KCNQ1: variants seen among roughly 807,000 people sequenced by gnomAD.
KCNQ1 encodes the protein potassium voltage-gated channel subfamily KQT member 1.
A neutral mutation model predicts 72.4 loss-of-function variants in KCNQ1; 49 were observed. The ratio of observed to expected loss-of-function variants is 0.68; its 90% CI spans 0.54 to 0.86. The LOEUF is 0.86. Among genes scored for constraint, KCNQ1 ranks in the 40% least tolerant of loss-of-function variants. The pLI is 0.00. For missense variants in KCNQ1, 790 were observed against 945.1 expected, an observed-to-expected ratio of 0.84 and a Z score of 2.15; for synonymous variants, 450 against 412.6, an observed-to-expected ratio of 1.09 and a Z score of -1.10.
At chr11:2,570,913 C>T (rs1848324230) in intron 3 of KCNQ1, among the ~76,000 whole-genome samples, 159 bp downstream of exon 3, 1 of 152,184 alleles carries the variant, frequency 6.6e-6, no homozygotes, top group South Asian at 2.1e-4. Context: ...CATTGGCAGC[C>T]CTCAGCAGCC....
Position 2,817,118 on chromosome 11 carries a change from G to A in KCNQ1, c.1795-30649G>A, listed in dbSNP as rs988739140. The stretch of plus-strand genomic sequence containing the variant: ...CCGACCCATGACCCAGGCCTGTGGC[G>A]CCAGCCTGCACCCGGCTCTGCTCCA... On this transcript the variant is annotated intron_variant, in intron 15 of 15. Coordinates refer to ENST00000155840, the MANE Select transcript of KCNQ1 (RefSeq NM_000218.3). The surrounding 1 kb of genome is among the most constrained non-coding windows in gnomAD (Gnocchi z 6.1). Among the ~76,000 whole-genome samples the A allele has an allele frequency of 6.6e-5, 10 of 152,098 alleles. No homozygotes were observed. Among genetic ancestry groups the A allele is most frequent in the Admixed American group, 1.3e-4 (2 of 15,280 alleles).
intron 1 of KCNQ1, among the ~76,000 whole-genome samples, chr11:2,472,348 T>G (rs889982645): frequency 6.1e-5 from 9 of 148,092 alleles, no homozygotes; most frequent in Non-Finnish European, 9.0e-5. Context: ...CTGTGTGTGT[T>G]TGTGGGTGTG....
chr11:2,461,762 G>T (rs781721731), intron 1 of KCNQ1: 1 of 1,348,542 alleles, frequency 7.4e-7, no homozygotes, highest in Non-Finnish European at 9.9e-7. Context: ...GGATGGGCAG[G>T]TGGATGGGGG....
At chr11:2,707,828 C>T (rs116839461) in intron 11 of KCNQ1, among the ~76,000 whole-genome samples, 2,152 of 152,354 alleles carry the variant, frequency 0.014, 49 homozygotes, top group African/African-American at 0.049. Flanking sequence ...CTCTGCCACA[C>T]GGCCTTGGTG....
chr11:2,610,691 T>C (rs1848965054), intron 10 of KCNQ1: 1 of 397,376 alleles, frequency 2.5e-6, no homozygotes, highest in South Asian at 1.3e-4. Context: ...AAAGAAACTT[T>C]TCTGGACACA....
intron 2 of KCNQ1, among the ~76,000 whole-genome samples, chr11:2,568,448 C>A (rs1848278327): frequency 6.6e-6 from 1 of 152,182 alleles, no homozygotes; most frequent in African/African-American, 2.4e-5. Context: ...GTCATGGGCA[C>A]CCTGTCTCAG....
intron 10 of KCNQ1, chr11:2,633,886 C>T (rs867352376): frequency 1.3e-5 from 5 of 398,568 alleles, no homozygotes; most frequent in South Asian, 1.3e-4. Context: ...CATCTGTATA[C>T]ATAGTTTTCA....
chr11:2,776,803 G>C (rs1449469295), intron 13 of KCNQ1, among the ~76,000 whole-genome samples, 183 bp from the exon 14 acceptor site: 1 of 152,184 alleles, frequency 6.6e-6, no homozygotes, highest in Non-Finnish European at 1.5e-5. Context: ...CAGCCCCCTC[G>C]GGAGCATGGC....
Position 2,826,453 on chromosome 11 carries a change from C to T in KCNQ1, c.1795-21314C>T, listed in dbSNP as rs1449128209. Among the ~76,000 whole-genome samples the T allele has an allele frequency of 2.0e-5, 3 of 152,236 alleles. No individual in the cohort carries two copies. The highest frequency in any genetic ancestry group is 4.8e-5 in the African/African-American group (2 of 41,470). ...TGATGGAAACCGCCGTGCGGTTCCG[C>T]GCAGACAGTCACGGAAACTCAGGCA... On this transcript the variant is annotated intron_variant, in intron 15 of 15. Transcript: ENST00000155840. This position sits in a 1 kb window ranked among gnomAD's most constrained non-coding sequence, Gnocchi z 4.2.
rs1846670403 is a variant in KCNQ1, at chr11:2,775,230, T to A, written c.1591-730T>A. Among the ~76,000 whole-genome samples the A allele has an allele frequency of 2.6e-5, 4 of 152,236 alleles. No individual in the cohort carries two copies. In the South Asian group the frequency reaches 8.3e-4, roughly 31 times the overall value. ...ACAAATGTGGCTTGGGGTTTCCTGA[T>A]ATCATGAGATGCTTTGTTTTCTCTG... On this transcript the variant is annotated intron_variant, in intron 12 of 15. Transcript: ENST00000155840.
rs548435545 is a variant in KCNQ1, at chr11:2,563,620, G to A, written c.478-7008G>A. 1.5e-4 allele frequency among the ~76,000 whole-genome samples: 23 copies of A among 152,356 alleles called. No homozygotes were observed. Among genetic ancestry groups the A allele is most frequent in the African/African-American group, 2.9e-4 (12 of 41,586 alleles). On this transcript the variant is annotated intron_variant, in intron 2 of 15. Coordinates refer to ENST00000155840, the MANE Select transcript of KCNQ1 (RefSeq NM_000218.3). This position sits in a 1 kb window ranked among gnomAD's most constrained non-coding sequence, Gnocchi z 7.4. Reference sequence around the variant, plus strand: ...AGATTTCAGTACCAATAGCGAAGCCGTCAGTGGCAGTGACTGTGCCTTAGG... The same window carrying A: ...AGATTTCAGTACCAATAGCGAAGCCATCAGTGGCAGTGACTGTGCCTTAGG...
chr11:2,714,346 C>T (rs1851054146), intron 11 of KCNQ1, among the ~76,000 whole-genome samples: 1 of 152,186 alleles, frequency 6.6e-6, no homozygotes, highest in Non-Finnish European at 1.5e-5. Flanking sequence ...GGGCGAGCTG[C>T]CTGCTGGGCC....
chr11:2,469,253 G>C (rs1341120665), intron 1 of KCNQ1, among the ~76,000 whole-genome samples: 1 of 151,674 alleles, frequency 6.6e-6, no homozygotes, highest in Non-Finnish European at 1.5e-5. Context: ...GTTTTTCATT[G>C]AATTCAAGAG....
At chr11:2,569,547 G>A (rs984748310) in intron 2 of KCNQ1, among the ~76,000 whole-genome samples, 4 of 152,222 alleles carry the variant, frequency 2.6e-5, no homozygotes, top group Non-Finnish European at 4.4e-5. Context: ...GCAGGAGTCC[G>A]CCGGAAGTGG....
In KCNQ1 at chr11:2,484,379, G is replaced by A. The variant is rs1169697904; in HGVS notation, c.386+38895G>A. Among the ~76,000 whole-genome samples the A allele has an allele frequency of 6.6e-6, 1 of 152,088 alleles. No homozygotes were observed. The highest frequency in any genetic ancestry group is 1.5e-5 in the Non-Finnish European group (1 of 68,022). On this transcript the variant is annotated intron_variant, in intron 1 of 15. Transcript: ENST00000155840. The surrounding 1 kb of genome is among the most constrained non-coding windows in gnomAD (Gnocchi z 5.2). ...GGGGTTTCATCATGTTGGCCAGGCT[G>A]GTCTTGAACTCCTAACCTCAGGTGA...
In KCNQ1 at chr11:2,564,186, C is replaced by T. The variant is rs919089260; in HGVS notation, c.478-6442C>T. ...GGTGGCATTTAGTATGTTCACAAGG[C>T]GGTTCAGCCAACACCTGTCTCCGGT... On this transcript the variant is annotated intron_variant, in intron 2 of 15. Coordinates refer to ENST00000155840, the MANE Select transcript of KCNQ1 (RefSeq NM_000218.3). The surrounding 1 kb of genome is among the most constrained non-coding windows in gnomAD (Gnocchi z 4.5). Among the ~76,000 whole-genome samples, 21 of 152,344 alleles carry T rather than the reference C, an allele frequency of 1.4e-4. No homozygotes were observed. The highest frequency in any genetic ancestry group is 4.8e-4 in the African/African-American group (20 of 41,572).
intron 2 of KCNQ1, among the ~76,000 whole-genome samples, chr11:2,530,036 C>T (rs1379095334): frequency 6.6e-6 from 1 of 152,074 alleles, no homozygotes; most frequent in Non-Finnish European, 1.5e-5. Flanking sequence ...CATGTCCTAT[C>T]ACATTGTACT....
chr11:2,825,141 G>A (rs781104897), intron 15 of KCNQ1, among the ~76,000 whole-genome samples: 4 of 152,232 alleles, frequency 2.6e-5, no homozygotes, highest in Non-Finnish European at 5.9e-5. Flanking sequence ...TGGAAAGAGA[G>A]TCCAGAGAAC....
chr11:2,448,337 C>A (rs770998816), intron 1 of KCNQ1, among the ~76,000 whole-genome samples: 1 of 152,238 alleles, frequency 6.6e-6, no homozygotes, highest in African/African-American at 2.4e-5. Flanking sequence ...CCTTGGCTTT[C>A]CCTGTTTCCC....
Sources: gnomAD v4.1 joint callset for allele counts (sites outside exome capture counted in the v4.1 genomes callset) on GRCh38, gnomAD v4.1.1 for gene constraint, Gnocchi (gnomAD v3.1) non-coding constraint, MANE v1.5 for transcripts, NCBI Gene and HGNC (gene_info 2026-07-23, HGNC 2026-07-21) for gene names.